The following IQSEC1 variants were observed in gnomAD, a reference collection of about 807,000 sequenced individuals.
The protein encoded by IQSEC1 is IQ motif and SEC7 domain-containing protein 1.
IQSEC1 carries 31 observed loss-of-function variants against 91.0 expected under a neutral mutation model. The observed-to-expected ratio is 0.34, with a 90% confidence interval of 0.26 to 0.46. IQSEC1 has a LOEUF of 0.46. IQSEC1 is among the 20% of genes least tolerant of loss of function. The pLI is 1.00. For synonymous variants in IQSEC1, 699 were observed against 662.6 expected (o/e 1.05, Z -0.84); for missense variants, 1,388 against 1,575.6 (o/e 0.88, Z 2.02).
chr3:12,915,184 G>A lies in IQSEC1; in HGVS notation c.2161-51C>T, dbSNP rs1236645551. ...AAGGGTGTTCATGTTTCAAAGCCAC[G>A]CCCAGGCCAATGCTGCAAGTGCCCC... On this transcript the variant is annotated intron_variant, in intron 7 of 13. Transcript: ENST00000613206. The A allele has an allele frequency of 1.1e-5, 17 of 1,575,750 alleles. No individual in the cohort carries two copies. The East Asian group carries it at 1.6e-4, about 15-fold the overall frequency.
chr3:13,003,041 T>C (rs1215730953), intron 1 of IQSEC1, among the ~76,000 whole-genome samples: 1 of 152,040 alleles, frequency 6.6e-6, no homozygotes, highest in African/African-American at 2.4e-5. Flanking sequence ...TCCATAGTAG[T>C]AGTATTTACA....
chr3:13,204,708 G>C (rs1362096816), intron 1 of IQSEC1, among the ~76,000 whole-genome samples: 1 of 152,142 alleles, frequency 6.6e-6, no homozygotes, highest in African/African-American at 2.4e-5. Context: ...CGTTCGTGCT[G>C]TCCGTTTTCT....
intron 1 of IQSEC1, among the ~76,000 whole-genome samples, chr3:13,016,786 T>C (rs1703153354): frequency 6.6e-6 from 1 of 152,228 alleles, no homozygotes; most frequent in African/African-American, 2.4e-5. Context: ...AACTCACCCA[T>C]TTAAAATGTA....
chr3:13,089,601 A>G (rs950039741), intron 2 of IQSEC1, among the ~76,000 whole-genome samples: 5 of 152,176 alleles, frequency 3.3e-5, no homozygotes, highest in Non-Finnish European at 7.4e-5. Flanking sequence ...ATTGTTTTTA[A>G]AGAAATGAAG....
chr3:12,901,238 C>G lies in IQSEC1; in HGVS notation c.3090G>C (p.Gln1030His), dbSNP rs1387723940. 6.5e-7 allele frequency: 1 copy of G among 1,548,270 alleles called. No homozygotes were observed. The highest frequency in any genetic ancestry group is 1.4e-5 in the African/African-American group (1 of 72,764). The change falls in exon 14 of 14, where the codon CAG (glutamine) becomes CAC (histidine). Residue 1030 changes from glutamine (Q) to histidine (H), a missense_variant. Gln to His is a conservative substitution (Grantham distance 24, BLOSUM62 0). Around this residue, in one of 2 missense-constraint regions of IQSEC1, gnomAD observed 329 missense variants for 257.8 expected, o/e 1.28. Transcript: ENST00000613206. ...PQAAMHGHHTQYCHMQNPPPY... is the reference protein window; with the variant it reads ...PQAAMHGHHTHYCHMQNPPPY... ...GGGGAGGGTTCTGCATGTGGCAGTA[C>G]TGGGTGTGATGCCCGTGCATGGCGG...
intron 1 of IQSEC1, among the ~76,000 whole-genome samples, chr3:13,171,263 C>T (rs1481380765): frequency 6.6e-6 from 1 of 152,174 alleles, no homozygotes; most frequent in African/African-American, 2.4e-5. Flanking sequence ...AGGTGGTCCA[C>T]TCAAGGGCAC....
chr3:13,109,210 C>A (rs929261917), intron 2 of IQSEC1, among the ~76,000 whole-genome samples: 4 of 152,210 alleles, frequency 2.6e-5, no homozygotes, highest in Non-Finnish European at 5.9e-5. Flanking sequence ...TAAGGACGGT[C>A]CACCTGGGGG....
intron 2 of IQSEC1, among the ~76,000 whole-genome samples, chr3:13,078,609 C>T (rs1189613979): frequency 6.6e-6 from 1 of 152,194 alleles, no homozygotes; most frequent in African/African-American, 2.4e-5. Flanking sequence ...CATCTATGTC[C>T]ACCTGCAGGT....
chr3:13,263,591 C>T (rs1283935320), intron 1 of IQSEC1, among the ~76,000 whole-genome samples: 20 of 152,182 alleles, frequency 1.3e-4, no homozygotes, highest in East Asian at 5.8e-4. Context: ...TGCAGGCACG[C>T]GCCACCACGC....
At chr3:13,061,619 C>T (rs1292807666) in intron 1 of IQSEC1, among the ~76,000 whole-genome samples, 2 of 152,096 alleles carry the variant, frequency 1.3e-5, no homozygotes, top group Non-Finnish European at 2.9e-5. Flanking sequence ...ATGCCAGGGG[C>T]CAGCCGTCCG....
At position 13,211,483 on chromosome 3, in the gene IQSEC1, G is replaced by A. The variant is rs748406533; in HGVS notation, c.273-47350C>T. Reference sequence around the variant, plus strand: ...AACAAAGACCCCAACTCAGGGTCTCGGCTCTTCAGGCATCCACCCCCAAGT... The same window carrying A: ...AACAAAGACCCCAACTCAGGGTCTCAGCTCTTCAGGCATCCACCCCCAAGT... On this transcript the variant is annotated intron_variant, in intron 1 of 15. Coordinates refer to the IQSEC1 transcript ENST00000648114. The surrounding 1 kb of genome is among the most constrained non-coding windows in gnomAD (Gnocchi z 5.3). 1.3e-5 allele frequency among the ~76,000 whole-genome samples: 2 copies of A among 151,152 alleles called. No individual in the cohort carries two copies. The highest frequency in any genetic ancestry group is 6.6e-5 in the Admixed American group (1 of 15,214).
chr3:13,045,039 G>T (rs1246469684), intron 1 of IQSEC1, among the ~76,000 whole-genome samples: 3 of 152,234 alleles, frequency 2.0e-5, no homozygotes, highest in Non-Finnish European at 2.9e-5. Context: ...TGCTGTGAGG[G>T]TTGGGAGTCA....
In IQSEC1 at chr3:12,900,786, CAAG is replaced by C. The variant is rs1235122776; in HGVS notation, c.*194_*196del. The C allele has an allele frequency of 1.3e-5, 19 of 1,447,378 alleles. No homozygotes were observed. Among genetic ancestry groups the C allele is most frequent in the Non-Finnish European group, 1.7e-5 (19 of 1,105,046 alleles). The allele number at this position is 1,447,378 out of a possible 1,614,324, so 89.7% of individuals were successfully genotyped here. A position where few individuals can be genotyped will look rare whatever the true frequency, so the allele number is the denominator to read the frequency against. ...AGGTGAGCAGAGCCCAGGGTGCCAA[CAAG>C]AAATGAAATCTGGGCCTTTGTTCCA... is the stretch of plus-strand genomic sequence containing the variant. On this transcript the variant is annotated 3_prime_UTR_variant, in exon 14 of 14. Coordinates refer to ENST00000613206, the MANE Select transcript of IQSEC1 (RefSeq NM_001134382.3).
intron 2 of IQSEC1, among the ~76,000 whole-genome samples, chr3:13,078,629 G>A (rs991854829): frequency 7.9e-5 from 12 of 152,224 alleles, no homozygotes; most frequent in African/African-American, 2.4e-4. Context: ...TGAGAGCTGC[G>A]TGAGTGCACA....
chr3:13,048,216 AG>A (rs1704568046), intron 1 of IQSEC1, among the ~76,000 whole-genome samples: 2 of 152,196 alleles, frequency 1.3e-5, no homozygotes, highest in South Asian at 2.1e-4. Flanking sequence ...GATCTCTCAC[AG>A]GGGCAACGAA....
chr3:13,123,526 G>C (rs958546401), intron 2 of IQSEC1, among the ~76,000 whole-genome samples: 3 of 152,212 alleles, frequency 2.0e-5, no homozygotes, highest in Non-Finnish European at 2.9e-5. Context: ...ATGTGGCCTT[G>C]TGACTTCGCC....
At chr3:13,236,367 C>T (rs1461013401) in intron 1 of IQSEC1, among the ~76,000 whole-genome samples, 10 of 152,204 alleles carry the variant, frequency 6.6e-5, no homozygotes, top group Non-Finnish European at 1.5e-5. Context: ...TTCTGACAAC[C>T]CCAGATCTTC....
Position 12,920,254 on chromosome 3 carries a change from C to A in IQSEC1, c.2020+176G>T, listed in dbSNP as rs990614854. 6.6e-5 allele frequency among the ~76,000 whole-genome samples: 10 copies of A among 152,336 alleles called. 1 individual carries two copies. The highest frequency in any genetic ancestry group is 5.2e-4 in the Admixed American group (8 of 15,310). ...GTGTCCCACGGGGGCTCCTCTAAGG[C>A]AATGCTCTTTCCAGTCATCTGTGCT... On this transcript the variant is annotated intron_variant, in intron 6 of 13. Transcript: ENST00000613206.
chr3:13,009,708 T>C (rs1463359184), intron 1 of IQSEC1, among the ~76,000 whole-genome samples: 1 of 152,048 alleles, frequency 6.6e-6, no homozygotes, highest in Non-Finnish European at 1.5e-5. Flanking sequence ...GCTGATTAGA[T>C]ATTTTATCAG....
Sources: gnomAD v4.1 joint callset for allele counts (sites outside exome capture counted in the v4.1 genomes callset) on GRCh38, gnomAD v4.1.1 for gene constraint, gnomAD v4.1.1 regional missense constraint, Gnocchi (gnomAD v3.1) non-coding constraint, MANE v1.5 for transcripts, NCBI Gene and HGNC (gene_info 2026-07-23, HGNC 2026-07-21) for gene names.